CNOT2: variants seen among roughly 807,000 people sequenced by gnomAD.
The protein encoded by CNOT2 is CC chemokine receptor 4-negative regulator of transcription 2.
A neutral mutation model predicts 72.1 loss-of-function variants in CNOT2; 7 were observed. The observed-to-expected ratio is 0.10, with a 90% CI of 0.06 to 0.18. The LOEUF (loss-of-function observed/expected upper bound fraction) is 0.18. Among genes scored for constraint, CNOT2 ranks in the 10% least tolerant of loss-of-function variants. CNOT2 has a pLI of 1.00. For synonymous variants in CNOT2, 196 were observed against 225.6 expected, an observed-to-expected ratio of 0.87 and a Z score of 1.17; for missense variants, 345 against 660.3, an observed-to-expected ratio of 0.52 and a Z score of 5.23.
intron 1 of CNOT2, among the ~76,000 whole-genome samples, chr12:70,259,852 G>T (rs1958663991): frequency 6.6e-6 from 1 of 152,130 alleles, no homozygotes. Flanking sequence ...ACTTAAATTT[G>T]TGTATAGAGT....
chr12:70,256,389 A>T (rs1268609285), intron 1 of CNOT2, among the ~76,000 whole-genome samples: 1 of 152,136 alleles, frequency 6.6e-6, no homozygotes, highest in Non-Finnish European at 1.5e-5. Flanking sequence ...ATTCTGAGGT[A>T]AATTGTTTTA....
At chr12:70,297,761 G>A (rs556289323) in intron 2 of CNOT2, 8 of 369,638 alleles carry the variant, frequency 2.2e-5, no homozygotes, top group South Asian at 9.6e-5. Context: ...TTTTTGAGAC[G>A]TGGTCTCACT....
chr12:70,334,700 A>G (rs1880428117), intron 7 of CNOT2: 1 of 152,128 alleles, frequency 6.6e-6, no homozygotes, highest in African/African-American at 2.4e-5. Flanking sequence ...TTTAATTTTT[A>G]AAGGAAGCCA....
At chr12:70,303,711 C>G (rs1002517225) in intron 2 of CNOT2, among the ~76,000 whole-genome samples, 1 of 152,092 alleles carries the variant, frequency 6.6e-6, no homozygotes, top group Non-Finnish European at 1.5e-5. Context: ...TTGCTCTTCT[C>G]GAGGAGTATC....
chr12:70,255,001 AGAAG>A (rs1212667034), intron 1 of CNOT2, among the ~76,000 whole-genome samples: 1 of 150,548 alleles, frequency 6.6e-6, no homozygotes, highest in Non-Finnish European at 1.5e-5. Context: ...AAAAAAAAGA[AGAAG>A]AAGAAAAAAA....
intron 2 of CNOT2, chr12:70,301,724 G>T (rs531363786): frequency 2.0e-5 from 3 of 152,192 alleles, no homozygotes; most frequent in African/African-American, 4.8e-5. Flanking sequence ...TCAGGATGAT[G>T]CTGGCCTCAT....
intron 11 of CNOT2, 172 bp from the exon 12 acceptor site, chr12:70,341,935 C>T (rs1881565577): frequency 1.6e-6 from 1 of 621,588 alleles, no homozygotes; most frequent in South Asian, 2.0e-5. Context: ...TTTACAGACA[C>T]ACACACAAAC....
Position 70,353,937 on chromosome 12 carries a change from A to G in CNOT2, c.*22A>G. The stretch of plus-strand genomic sequence containing the variant: ...CTAAAAAAAAAAAAAAAAAAAAAAA[A>G]AGACTTCCCTTTTCTTGGGGTATGG... On this transcript the variant is annotated 3_prime_UTR_variant, in exon 16 of 16. Transcript: ENST00000229195. 1.3e-6 allele frequency: 2 copies of G among 1,573,448 alleles called. No homozygotes were observed.
intron 2 of CNOT2, among the ~76,000 whole-genome samples, chr12:70,305,093 G>C (rs74818004): frequency 7.9e-5 from 12 of 152,236 alleles, no homozygotes; most frequent in South Asian, 4.1e-4. Context: ...ACTAGGAAAG[G>C]GAATTCCCTG....
At chr12:70,252,665 G>T (rs1399271753) in intron 1 of CNOT2, among the ~76,000 whole-genome samples, 1 of 152,064 alleles carries the variant, frequency 6.6e-6, no homozygotes, top group African/African-American at 2.4e-5. Flanking sequence ...ATAATGCCTG[G>T]AACTAACCAG....
intron 2 of CNOT2, among the ~76,000 whole-genome samples, chr12:70,287,163 T>C (rs1213495856): frequency 6.6e-6 from 1 of 151,596 alleles, no homozygotes; most frequent in East Asian, 1.9e-4. Flanking sequence ...ATTTTTTTTA[T>C]AGATATACTT....
chr12:70,353,849 C>T lies in CNOT2; in HGVS notation c.1557C>T (p.Asp519=), dbSNP rs1294178407. 6.9e-7 allele frequency: 1 copy of T among 1,442,052 alleles called. No individual in the cohort carries two copies. Among genetic ancestry groups the T allele is most frequent in the East Asian group, 3.3e-5 (1 of 30,412 alleles). 89.3% of individuals were successfully genotyped at this position (1,442,052 alleles called of 1,614,324 possible). Reference sequence around the variant, plus strand: ...TATAGGAGTTCCATCTGGAATATGACAAATTAGAAGAACGGCCTCACCTGC... The same window carrying T: ...TATAGGAGTTCCATCTGGAATATGATAAATTAGAAGAACGGCCTCACCTGC... ...KVAKEFHLEY[D]KLEERPHLPS... is the part of the protein sequence containing the mutation. The change falls in exon 16 of 16, where the codon GAC becomes GAT. Residue 519 remains aspartate, a synonymous_variant. Coordinates refer to ENST00000229195, the MANE Select transcript of CNOT2 (RefSeq NM_014515.7).
At chr12:70,285,216 GT>G (rs1172661205) in intron 2 of CNOT2, among the ~76,000 whole-genome samples, 92 of 143,804 alleles carry the variant, frequency 6.4e-4, no homozygotes, top group African/African-American at 6.1e-4. Context: ...TTTTGTTTTT[GT>G]TTTTTTTTTT....
chr12:70,259,854 G>A (rs1315286271), intron 1 of CNOT2, among the ~76,000 whole-genome samples: 3 of 152,180 alleles, frequency 2.0e-5, no homozygotes. Flanking sequence ...TTAAATTTGT[G>A]TATAGAGTAT....
chr12:70,304,554 C>G (rs983794366), intron 2 of CNOT2, among the ~76,000 whole-genome samples: 1 of 152,224 alleles, frequency 6.6e-6, no homozygotes, highest in Non-Finnish European at 1.5e-5. Flanking sequence ...CCTGATCATT[C>G]CTCTGGAAGT....
At chr12:70,302,890 T>C (rs527342759) in intron 2 of CNOT2, among the ~76,000 whole-genome samples, 18 of 151,408 alleles carry the variant, frequency 1.2e-4, no homozygotes, top group South Asian at 6.3e-4. Context: ...CTTTATGAAT[T>C]TGGGTGCTCC....
intron 2 of CNOT2, among the ~76,000 whole-genome samples, chr12:70,308,584 T>TCTCTCACACA (rs550679130): frequency 5.3e-5 from 7 of 133,328 alleles, no homozygotes; most frequent in East Asian, 2.1e-4. Flanking sequence ...TCTCTCTCTC[T>TCTCTCACACA]CACACACACA....
chr12:70,309,633 G>A (rs942599515), intron 2 of CNOT2, among the ~76,000 whole-genome samples: 3 of 152,020 alleles, frequency 2.0e-5, no homozygotes, highest in African/African-American at 7.2e-5. Flanking sequence ...CATAATGAAT[G>A]TACAAGACAG....
At chr12:70,245,974 C>T (rs890218076) in intron 1 of CNOT2, among the ~76,000 whole-genome samples, 1 of 152,104 alleles carries the variant, frequency 6.6e-6, no homozygotes, top group Non-Finnish European at 1.5e-5. Flanking sequence ...TTAGTAGATA[C>T]TGGTGTTAAA....
Sources: gnomAD v4.1 joint callset for allele counts (sites outside exome capture counted in the v4.1 genomes callset) on GRCh38, gnomAD v4.1.1 for gene constraint, MANE v1.5 for transcripts, NCBI Gene and HGNC (gene_info 2026-07-23, HGNC 2026-07-21) for gene names.